ADCY8: variants seen among roughly 807,000 people sequenced by gnomAD.
The protein encoded by ADCY8 is adenylate cyclase type 8.
In ADCY8, 51 loss-of-function variants were observed where a neutral mutation model predicts 119.7. That is an observed-to-expected ratio of 0.43 (90% CI 0.34 to 0.54). The LOEUF (loss-of-function observed/expected upper bound fraction) is 0.54. Among genes scored for constraint, ADCY8 ranks in the 20% least tolerant of loss-of-function variants. The pLI, the probability that ADCY8 is intolerant of heterozygous loss-of-function variation, is 0.03. For missense variants in ADCY8, 1,383 were observed against 1,598.8 expected (o/e 0.87, Z 2.30); for synonymous variants, 665 against 651.0 (o/e 1.02, Z -0.33).
intron 12 of ADCY8, among the ~76,000 whole-genome samples, chr8:130,828,286 T>C (rs1816727154): frequency 6.6e-6 from 1 of 152,172 alleles, no homozygotes; most frequent in South Asian, 2.1e-4. Flanking sequence ...TAACTAGGCA[T>C]ATAGCTCAAG....
At position 131,007,849 on chromosome 8, in the gene ADCY8, G is replaced by C. The variant is rs145186683; in HGVS notation, c.961-17307C>G. 1.5e-3 allele frequency among the ~76,000 whole-genome samples: 226 copies of C among 152,188 alleles called. 1 individual carries two copies. Among genetic ancestry groups the C allele is most frequent in the Middle Eastern group, 0.01 (3 of 294 alleles). On this transcript the variant is annotated intron_variant, in intron 1 of 17. Transcript: ENST00000286355. ...GTCTGGTGAGGAAGGCAGACAATTA[G>C]ACATGCACTTACTGCATAGAGGAAT...
At chr8:130,977,468 T>C (rs1822107765) in intron 2 of ADCY8, among the ~76,000 whole-genome samples, 1 of 152,240 alleles carries the variant, frequency 6.6e-6, no homozygotes, top group African/African-American at 2.4e-5. Context: ...TTTCTCCCTT[T>C]ACTTATTTAA....
At chr8:130,852,786 T>C (rs1817578654) in intron 9 of ADCY8, among the ~76,000 whole-genome samples, 1 of 152,126 alleles carries the variant, frequency 6.6e-6, no homozygotes, top group Non-Finnish European at 1.5e-5. Context: ...TGCTGAACTA[T>C]GTGCAGTCTG....
At position 130,829,536 on chromosome 8, in the gene ADCY8, T is replaced by C. The variant is rs954402965; in HGVS notation, c.2675+6741A>G. On this transcript the variant is annotated intron_variant, in intron 12 of 17. Coordinates refer to ENST00000286355, the MANE Select transcript of ADCY8 (RefSeq NM_001115.3). ...TTGTCCTAAAGACAATAGTTGGTTG[T>C]TTAAAAGAAGCATGTTTAGGACAAG... Among the ~76,000 whole-genome samples, 6 of 145,762 alleles carry C rather than the reference T, an allele frequency of 4.1e-5. 1 individual carries two copies. In the South Asian group the frequency reaches 1.3e-3, roughly 31 times the overall value.
intron 14 of ADCY8, among the ~76,000 whole-genome samples, chr8:130,813,761 G>A (rs1172562261): frequency 6.6e-6 from 1 of 151,860 alleles, no homozygotes; most frequent in Non-Finnish European, 1.5e-5. Context: ...AAATTGTTGT[G>A]TATATATACA....
intron 4 of ADCY8, among the ~76,000 whole-genome samples, chr8:130,938,074 T>C (rs575158663): frequency 2.0e-5 from 3 of 152,328 alleles, no homozygotes; most frequent in Admixed American, 6.5e-5. Flanking sequence ...GAAAGAGAAC[T>C]TAAGGTAGTA....
At chr8:130,987,733 T>G (rs555624977) in intron 2 of ADCY8, among the ~76,000 whole-genome samples, 1 of 152,174 alleles carries the variant, frequency 6.6e-6, no homozygotes, top group Admixed American at 6.5e-5. Flanking sequence ...AAGAGGAAAA[T>G]GGGAATTCAT....
At chr8:130,984,273 T>A (rs112875293) in intron 2 of ADCY8, among the ~76,000 whole-genome samples, 1 of 152,048 alleles carries the variant, frequency 6.6e-6, no homozygotes, top group Non-Finnish European at 1.5e-5. Flanking sequence ...AGACTGCCTG[T>A]GGGGAGGAAG....
At chr8:130,964,011 A>G (rs1473400937) in intron 2 of ADCY8, among the ~76,000 whole-genome samples, 1 of 152,206 alleles carries the variant, frequency 6.6e-6, no homozygotes, top group Non-Finnish European at 1.5e-5. Flanking sequence ...CATTCCTTTG[A>G]TCATGCTAGA....
intron 8 of ADCY8, among the ~76,000 whole-genome samples, chr8:130,875,348 G>A (rs2917052): frequency 0.26 from 40,086 of 151,984 alleles, 5,680 homozygotes; most frequent in South Asian, 0.44. Context: ...GCAGCCTGAT[G>A]CTATAACAGA....
intron 2 of ADCY8, among the ~76,000 whole-genome samples, chr8:130,952,360 G>A (rs536288695): frequency 1.1e-4 from 16 of 152,190 alleles, no homozygotes; most frequent in Non-Finnish European, 2.1e-4. Flanking sequence ...TGATGACAGC[G>A]ATGCATATCA....
rs201475332 is a variant in ADCY8 at position 130,841,451 on chromosome 8, CTG to C, written c.2503-5004_2503-5003del. ...GACAAGGTGTTAAGGGCAGCAACAA[CTG>C]AACCTGTTTCCATGAAACAAACAGT... On this transcript the variant is annotated intron_variant, in intron 11 of 17. Coordinates refer to ENST00000286355, the MANE Select transcript of ADCY8 (RefSeq NM_001115.3). Among the ~76,000 whole-genome samples, 88 of 152,298 alleles carry C rather than the reference CTG, an allele frequency of 5.8e-4. No homozygotes were observed. In the East Asian group the frequency reaches 0.013, roughly 22 times the overall value.
At chr8:130,849,387 C>A (rs778594629) in intron 10 of ADCY8, among the ~76,000 whole-genome samples, 2 of 152,152 alleles carry the variant, frequency 1.3e-5, no homozygotes, top group Non-Finnish European at 2.9e-5. Context: ...AGAAAATAAC[C>A]TATCCCACTG....
At chr8:130,815,224 C>T (rs992843995) in intron 13 of ADCY8, among the ~76,000 whole-genome samples, 1 of 152,160 alleles carries the variant, frequency 6.6e-6, no homozygotes, top group African/African-American at 2.4e-5. Flanking sequence ...CAGATCTTGA[C>T]CTTGGACTTC....
chr8:130,781,557 A>G (rs1160749670), intron 17 of ADCY8, among the ~76,000 whole-genome samples: 2 of 152,204 alleles, frequency 1.3e-5, no homozygotes, highest in Non-Finnish European at 2.9e-5. Context: ...CCTCTCTGAT[A>G]TGGCTTTTGC....
intron 4 of ADCY8, among the ~76,000 whole-genome samples, chr8:130,939,773 A>G (rs957452835): frequency 6.6e-6 from 1 of 152,186 alleles, no homozygotes; most frequent in Non-Finnish European, 1.5e-5. Context: ...GACAATGACA[A>G]CTGACACCTG....
intron 1 of ADCY8, among the ~76,000 whole-genome samples, chr8:131,001,104 T>A (rs963891127): frequency 3.3e-5 from 5 of 152,100 alleles, no homozygotes; most frequent in Non-Finnish European, 7.3e-5. Context: ...AATATCTCTA[T>A]CTTTAAATGG....
intron 7 of ADCY8, among the ~76,000 whole-genome samples, chr8:130,886,429 TG>T (rs1304986944): frequency 6.6e-6 from 1 of 152,030 alleles, no homozygotes; most frequent in Non-Finnish European, 1.5e-5. Context: ...GCAGGATACA[TG>T]CGGGGCCAGA....
chr8:130,906,664 T>C (rs191248935), intron 6 of ADCY8, among the ~76,000 whole-genome samples: 88 of 152,248 alleles, frequency 5.8e-4, no homozygotes, highest in Middle Eastern at 3.4e-3. Flanking sequence ...AGGAAATGTG[T>C]CAGTTTTCAG....
Sources: allele counts gnomAD v4.1 joint callset (sites outside exome capture counted in the v4.1 genomes callset), GRCh38; gene constraint gnomAD v4.1.1; transcripts MANE v1.5; gene names NCBI Gene and HGNC (gene_info 2026-07-23, HGNC 2026-07-21).